The following ANTXR1 variants were observed in gnomAD, a reference collection of about 807,000 sequenced individuals.
The protein encoded by ANTXR1 is ANTXR cell adhesion molecule 1.
In ANTXR1, 19 loss-of-function variants were observed where a neutral mutation model predicts 78.1. The ratio of observed to expected loss-of-function variants is 0.24; its 90% CI spans 0.17 to 0.36. The LOEUF is 0.36. Ranked by LOEUF, ANTXR1 falls within the 10% of genes least tolerant of loss-of-function variation. ANTXR1 has a pLI of 1.00. For synonymous variants in ANTXR1, 273 were observed against 260.5 expected, an observed-to-expected ratio of 1.05 and a Z score of -0.46; for missense variants, 518 against 718.6, an observed-to-expected ratio of 0.72 and a Z score of 3.19.
intron 13 of ANTXR1, among the ~76,000 whole-genome samples, chr2:69,169,881 C>T (rs1255062054): frequency 2.6e-5 from 4 of 152,008 alleles, no homozygotes; most frequent in African/African-American, 9.7e-5. Context: ...AATGTGTAGA[C>T]GATTGGATAG....
At chr2:69,071,981 T>G (rs74527237) in intron 5 of ANTXR1, among the ~76,000 whole-genome samples, 194 bp downstream of exon 5, 1,599 of 152,328 alleles carry the variant, frequency 0.01, 35 homozygotes, top group East Asian at 0.099. Flanking sequence ...ACTGTCCTGT[T>G]GATGCCAAGA....
At chr2:69,053,319 G>A (rs1669980073) in intron 3 of ANTXR1, among the ~76,000 whole-genome samples, 1 of 152,198 alleles carries the variant, frequency 6.6e-6, no homozygotes, top group Non-Finnish European at 1.5e-5. Context: ...CTTAGGCAGA[G>A]TAGAGACCCA....
chr2:69,069,783 A>G (rs1330311536), intron 3 of ANTXR1, among the ~76,000 whole-genome samples: 1 of 152,130 alleles, frequency 6.6e-6, no homozygotes, highest in Non-Finnish European at 1.5e-5. Context: ...TTTCCTATCC[A>G]AAAGAGTTTC....
chr2:69,145,401 G>A lies in ANTXR1; in HGVS notation c.952-6768G>A, dbSNP rs182090695. On this transcript the variant is annotated intron_variant, in intron 12 of 17. Transcript: ENST00000303714. ...GCAGAGAATACCGCCTGCTCCCTCC[G>A]GACAGCACACTCCTGAAAACGGGGA... is the stretch of plus-strand genomic sequence containing the variant. 3.0e-5 allele frequency: 47 copies of A among 1,582,624 alleles called. No individual in the cohort carries two copies. The Admixed American group carries it at 5.4e-4, about 18-fold the overall frequency.
At chr2:69,075,775 T>C in intron 7 of ANTXR1, 117 bp downstream of exon 7, 1 of 966,696 alleles carries the variant, frequency 1.0e-6, no homozygotes, top group Non-Finnish European at 1.7e-6. Context: ...ATAGGTTATT[T>C]TTCTAGAAAT....
intron 17 of ANTXR1, among the ~76,000 whole-genome samples, chr2:69,237,782 C>T (rs879089854): frequency 6.6e-6 from 1 of 152,156 alleles, no homozygotes. Flanking sequence ...GGTATACATA[C>T]ATTTTATACA....
chr2:69,069,226 G>A (rs1271225967), intron 3 of ANTXR1, among the ~76,000 whole-genome samples: 3 of 152,100 alleles, frequency 2.0e-5, no homozygotes, highest in Non-Finnish European at 4.4e-5. Context: ...TCCAAGCAAT[G>A]CCAGGATAAA....
chr2:69,221,080 C>G (rs929537636), intron 17 of ANTXR1, among the ~76,000 whole-genome samples: 1 of 152,036 alleles, frequency 6.6e-6, no homozygotes, highest in Non-Finnish European at 1.5e-5. Flanking sequence ...TATGGGAAGG[C>G]TTGTTTGGGG....
chr2:69,161,972 G>A (rs776753230), intron 13 of ANTXR1, among the ~76,000 whole-genome samples: 2 of 152,004 alleles, frequency 1.3e-5, no homozygotes, highest in African/African-American at 2.4e-5. Context: ...CTAAATACAG[G>A]CACATTTATT....
chr2:69,041,250 C>A (rs1669608154), intron 2 of ANTXR1, among the ~76,000 whole-genome samples: 1 of 152,140 alleles, frequency 6.6e-6, no homozygotes, highest in Admixed American at 6.5e-5. Context: ...GACTTCCCAG[C>A]CTATCCTAGG....
chr2:69,200,914 C>T (rs1380640837), intron 17 of ANTXR1, among the ~76,000 whole-genome samples: 1 of 152,078 alleles, frequency 6.6e-6, no homozygotes, highest in Non-Finnish European at 1.5e-5. Context: ...CTAACTTTTC[C>T]AAGGACACAC....
At chr2:69,242,494 T>G (rs1353957212) in intron 17 of ANTXR1, among the ~76,000 whole-genome samples, 1 of 152,194 alleles carries the variant, frequency 6.6e-6, no homozygotes, top group Non-Finnish European at 1.5e-5. Context: ...TTATTTCAAT[T>G]GAAGAGAATA....
chr2:69,195,613 T>C (rs1302012791), intron 17 of ANTXR1, among the ~76,000 whole-genome samples: 1 of 152,246 alleles, frequency 6.6e-6, no homozygotes, highest in Non-Finnish European at 1.5e-5. Context: ...AATTTCTATA[T>C]GAAATTTTAA....
At position 69,029,420 on chromosome 2, in the gene ANTXR1, G is replaced by T. The variant is rs1274325784; in HGVS notation, c.153-10624G>T. On this transcript the variant is annotated intron_variant, in intron 1 of 17. Transcript: ENST00000303714. ...TAAAGGAAGATAATTTTCCTGAGCT[G>T]CAGAAAGATTGGAGTCTTTAGATTT... 7.9e-5 allele frequency among the ~76,000 whole-genome samples: 12 copies of T among 151,464 alleles called. No individual in the cohort carries two copies. In the East Asian group the frequency reaches 2.3e-3, roughly 29 times the overall value.
At chr2:69,138,695 G>A (rs1262027735) in intron 12 of ANTXR1, among the ~76,000 whole-genome samples, 1 of 152,198 alleles carries the variant, frequency 6.6e-6, no homozygotes, top group Non-Finnish European at 1.5e-5. Flanking sequence ...GTGGCTACTG[G>A]AACAGACGTT....
chr2:69,096,748 G>A (rs1041372393), intron 9 of ANTXR1, among the ~76,000 whole-genome samples: 1 of 152,116 alleles, frequency 6.6e-6, no homozygotes, highest in Non-Finnish European at 1.5e-5. Context: ...TGAAAAATCA[G>A]AACTGACAAC....
intron 12 of ANTXR1, among the ~76,000 whole-genome samples, chr2:69,147,556 G>A (rs1673262183): frequency 2.0e-5 from 3 of 152,232 alleles, no homozygotes; most frequent in Admixed American, 6.5e-5. Flanking sequence ...AGTGGAAGGA[G>A]CAACTGCAAA....
intron 9 of ANTXR1, among the ~76,000 whole-genome samples, chr2:69,101,872 G>A (rs1195624033): frequency 6.6e-6 from 1 of 152,214 alleles, no homozygotes; most frequent in Non-Finnish European, 1.5e-5. Flanking sequence ...CTGACCATTA[G>A]ATACCAACAA....
chr2:69,117,792 A>G (rs907965732), intron 10 of ANTXR1, among the ~76,000 whole-genome samples: 10 of 152,288 alleles, frequency 6.6e-5, no homozygotes, highest in African/African-American at 1.7e-4. Context: ...ACCACTGTTT[A>G]TAGATGGAGA....
Sources: gnomAD v4.1 joint callset for allele counts (sites outside exome capture counted in the v4.1 genomes callset) on GRCh38, gnomAD v4.1.1 for gene constraint, MANE v1.5 for transcripts, NCBI Gene and HGNC (gene_info 2026-07-23, HGNC 2026-07-21) for gene names.